Variants in ADAM22 observed in about 807,000 individuals in gnomAD.
ADAM22 encodes disintegrin and metalloproteinase domain-containing protein 22.
Under a neutral mutation model 144.6 loss-of-function variants are expected in ADAM22, and 65 were observed. The observed-to-expected ratio is 0.45, with a 90% CI of 0.37 to 0.55. The LOEUF (loss-of-function observed/expected upper bound fraction) is 0.55. Ranked by LOEUF, ADAM22 falls within the 20% of genes least tolerant of loss-of-function variation. The pLI is 0.00. For synonymous variants in ADAM22, 391 were observed against 412.6 expected, an observed-to-expected ratio of 0.95 and a Z score of 0.63; for missense variants, 974 against 1,184.9, an observed-to-expected ratio of 0.82 and a Z score of 2.61.
At chr7:88,138,920 G>T (rs1309499843) in intron 14 of ADAM22, among the ~76,000 whole-genome samples, 1 of 152,228 alleles carries the variant, frequency 6.6e-6, no homozygotes, top group Non-Finnish European at 1.5e-5. Context: ...ACTGCCAAGG[G>T]TTGGAGAACA....
At chr7:88,098,912 C>A (rs1007226753) in intron 4 of ADAM22, among the ~76,000 whole-genome samples, 2 of 152,054 alleles carry the variant, frequency 1.3e-5, no homozygotes, top group African/African-American at 4.8e-5. Flanking sequence ...CTAGTGCTCA[C>A]CAATGAATGT....
chr7:88,159,236 C>A (rs560217702), intron 22 of ADAM22, among the ~76,000 whole-genome samples: 8 of 152,110 alleles, frequency 5.3e-5, no homozygotes, highest in African/African-American at 1.9e-4. Context: ...AGACCAATAA[C>A]AAGCTCCAAA....
chr7:88,017,565 C>G (rs1563033820), intron 3 of ADAM22, among the ~76,000 whole-genome samples: 1 of 152,024 alleles, frequency 6.6e-6, no homozygotes, highest in African/African-American at 2.4e-5. Context: ...AGGGCTGGCA[C>G]TTTTTCTTTT....
chr7:88,109,276 C>T (rs1481713798), intron 5 of ADAM22, among the ~76,000 whole-genome samples: 1 of 152,106 alleles, frequency 6.6e-6, no homozygotes, highest in Non-Finnish European at 1.5e-5. Context: ...TTCTCATAAC[C>T]TTCTCTATCA....
chr7:88,026,342 C>T (rs565321010), intron 3 of ADAM22, among the ~76,000 whole-genome samples: 45 of 152,224 alleles, frequency 3.0e-4, no homozygotes, highest in Non-Finnish European at 5.3e-4. Flanking sequence ...GGGAGAGGTG[C>T]CACATACTTT....
chr7:88,080,502 A>G (rs561363591), intron 4 of ADAM22, among the ~76,000 whole-genome samples: 1 of 152,354 alleles, frequency 6.6e-6, no homozygotes, highest in Non-Finnish European at 1.5e-5. Context: ...AAATCAGAGC[A>G]GAACTGAAGG....
At chr7:88,155,232 A>G (rs1839603780) in intron 21 of ADAM22, among the ~76,000 whole-genome samples, 1 of 150,696 alleles carries the variant, frequency 6.6e-6, no homozygotes, top group African/African-American at 2.5e-5. Flanking sequence ...TACCAATTAA[A>G]AAAAAAATTG....
chr7:87,997,050 G>A (rs1475007475), intron 3 of ADAM22, among the ~76,000 whole-genome samples: 1 of 152,168 alleles, frequency 6.6e-6, no homozygotes, highest in Non-Finnish European at 1.5e-5. Context: ...TGTCTTGAAG[G>A]AACTGTTTAA....
At chr7:87,952,537 G>A (rs1012647787) in intron 2 of ADAM22, among the ~76,000 whole-genome samples, 5 of 151,858 alleles carry the variant, frequency 3.3e-5, no homozygotes, top group Admixed American at 2.0e-4. Flanking sequence ...TGCTGGATTC[G>A]GTTTGCCAGT....
chr7:88,170,876 T>A (rs1844154273), intron 25 of ADAM22, among the ~76,000 whole-genome samples: 1 of 151,958 alleles, frequency 6.6e-6, no homozygotes, highest in African/African-American at 2.4e-5. Flanking sequence ...AATTTTTTAA[T>A]AAGATCCACT....
In ADAM22 at chr7:88,039,883, T is replaced by C. The variant is rs28430889; in HGVS notation, c.324-35743T>C. On this transcript the variant is annotated intron_variant, in intron 3 of 31. Transcript: ENST00000413139. ...ATTCTCTCATCCTCAAAACTCTTAA[T>C]AGTAATTCTTCCTTCCTTTTCTCCA... Among the ~76,000 whole-genome samples, 1,018 of 152,060 alleles carry C rather than the reference T, an allele frequency of 6.7e-3. 19 individuals are homozygous for C. The highest frequency in any genetic ancestry group is 0.024 in the African/African-American group (982 of 41,534).
intron 27 of ADAM22, among the ~76,000 whole-genome samples, chr7:88,181,083 T>C (rs771509334): frequency 2.6e-5 from 4 of 152,148 alleles, no homozygotes; most frequent in Non-Finnish European, 5.9e-5. Flanking sequence ...TTATGTAATC[T>C]CTTGGAAGTC....
intron 4 of ADAM22, among the ~76,000 whole-genome samples, chr7:88,104,647 A>G (rs1236678181): frequency 2.0e-5 from 3 of 152,016 alleles, no homozygotes; most frequent in African/African-American, 7.2e-5. Flanking sequence ...TAAAAGCTTC[A>G]TTACTTCTTA....
chr7:88,022,376 G>A (rs1368533878), intron 3 of ADAM22, among the ~76,000 whole-genome samples: 1 of 152,086 alleles, frequency 6.6e-6, no homozygotes, highest in African/African-American at 2.4e-5. Flanking sequence ...TCAATGTTTT[G>A]GTGGACTAAT....
chr7:88,057,749 G>A (rs891429458), intron 3 of ADAM22, among the ~76,000 whole-genome samples: 1 of 152,198 alleles, frequency 6.6e-6, no homozygotes, highest in African/African-American at 2.4e-5. Flanking sequence ...ATGGCCCTTG[G>A]AATGGAAAGC....
chr7:88,143,099 G>A lies in ADAM22; in HGVS notation c.1294G>A (p.Ala432Thr). The A allele has an allele frequency of 1.2e-6, 2 of 1,612,380 alleles. No homozygotes were observed. Among genetic ancestry groups the A allele is most frequent in the Non-Finnish European group, 8.5e-7 (1 of 1,178,824 alleles). ...TGACTTCCTGAATAGTGGAGGTGGT[G>A]CCTGCCTTTTCAACAAACCTTCTAA... is the stretch of plus-strand genomic sequence containing the variant. Reference protein sequence around the residue: ...YHDFLNSGGGACLFNKPSKLL... With the variant: ...YHDFLNSGGGTCLFNKPSKLL... The change falls in exon 15 of 32, where the codon GCC becomes ACC. Residue 432 changes from alanine (A) to threonine (T), a missense_variant. Physicochemically the swap from Ala to Thr is moderately conservative, Grantham distance 58. Coordinates refer to ENST00000413139, the MANE Select transcript of ADAM22 (RefSeq NM_001324418.2).
At chr7:87,966,543 G>T (rs1405827457) in intron 2 of ADAM22, among the ~76,000 whole-genome samples, 1 of 152,020 alleles carries the variant, frequency 6.6e-6, no homozygotes, top group Non-Finnish European at 1.5e-5. Context: ...ATAGGAGCTG[G>T]TGCCAGTGTC....
At chr7:88,118,960 G>A (rs1463401008) in intron 7 of ADAM22, among the ~76,000 whole-genome samples, 1 of 152,116 alleles carries the variant, frequency 6.6e-6, no homozygotes, top group East Asian at 1.9e-4. Flanking sequence ...TCAAAAGTAA[G>A]TTTAATTATT....
chr7:88,096,577 A>G (rs374538362), intron 4 of ADAM22, among the ~76,000 whole-genome samples: 5 of 151,352 alleles, frequency 3.3e-5, no homozygotes, highest in Non-Finnish European at 5.9e-5. Context: ...AAATAATATA[A>G]TATTTTAAAA....
Sources: gnomAD v4.1 joint callset for allele counts (sites outside exome capture counted in the v4.1 genomes callset) on GRCh38, gnomAD v4.1.1 for gene constraint, MANE v1.5 for transcripts, NCBI Gene and HGNC (gene_info 2026-07-23, HGNC 2026-07-21) for gene names.